Variants in DENND1A observed in about 807,000 individuals in gnomAD.
The protein encoded by DENND1A is DENN domain-containing protein 1A.
DENND1A carries 51 observed loss-of-function variants against 113.7 expected under a neutral mutation model. The observed-to-expected ratio is 0.45, with a 90% CI of 0.36 to 0.57. The LOEUF (loss-of-function observed/expected upper bound fraction) is 0.57. Ranked by LOEUF, DENND1A falls within the 20% of genes least tolerant of loss-of-function variation. The pLI, the probability that DENND1A is intolerant of heterozygous loss-of-function variation, is 0.00. For synonymous variants in DENND1A, 565 were observed against 570.8 expected (o/e 0.99, Z 0.14); for missense variants, 1,258 against 1,395.9 (o/e 0.90, Z 1.57).
chr9:123,512,965 T>C (rs980856488), intron 13 of DENND1A, among the ~76,000 whole-genome samples: 3 of 152,212 alleles, frequency 2.0e-5, no homozygotes, highest in African/African-American at 7.2e-5. Context: ...GTAAAAGACA[T>C]GCTACCATAT....
intron 18 of DENND1A, among the ~76,000 whole-genome samples, chr9:123,443,594 C>A (rs1371738858): frequency 1.3e-5 from 2 of 152,240 alleles, no homozygotes; most frequent in East Asian, 3.8e-4. Context: ...TTCCCTCCAC[C>A]TGAAGAAGGA....
intron 9 of DENND1A, among the ~76,000 whole-genome samples, chr9:123,635,917 C>T (rs748202708): frequency 2.6e-5 from 4 of 152,116 alleles, no homozygotes; most frequent in Non-Finnish European, 5.9e-5. Context: ...TCAATTTGTC[C>T]TGTATGTAAA....
At chr9:123,408,648 T>C (rs569571781) in intron 20 of DENND1A, among the ~76,000 whole-genome samples, 1 of 152,144 alleles carries the variant, frequency 6.6e-6, no homozygotes, top group Non-Finnish European at 1.5e-5. Flanking sequence ...CAGCATGCCA[T>C]CAACCCAGGA....
intron 2 of DENND1A, among the ~76,000 whole-genome samples, chr9:123,848,255 A>C (rs1259506429): frequency 1.4e-5 from 2 of 146,524 alleles, no homozygotes; most frequent in East Asian, 2.0e-4. Context: ...AAAAAAAAAA[A>C]AACAAATTGA....
At chr9:123,717,505 T>C (rs1281598234) in intron 5 of DENND1A, among the ~76,000 whole-genome samples, 2 of 152,214 alleles carry the variant, frequency 1.3e-5, no homozygotes, top group Non-Finnish European at 2.9e-5. Context: ...GTTTGTCTGA[T>C]GCCAAAACCT....
chr9:123,559,033 G>A (rs909754216), intron 12 of DENND1A, among the ~76,000 whole-genome samples: 2 of 152,180 alleles, frequency 1.3e-5, no homozygotes, highest in African/African-American at 4.8e-5. Context: ...GTCAAGGAAG[G>A]CTTCCTGGAG....
intron 13 of DENND1A, among the ~76,000 whole-genome samples, chr9:123,543,571 C>T (rs562908351): frequency 3.3e-4 from 51 of 152,312 alleles, no homozygotes; most frequent in African/African-American, 1.2e-3. Flanking sequence ...CTGCTTCGTC[C>T]TCAGCCACGC....
chr9:123,401,864 A>T lies in DENND1A; in HGVS notation c.1631+1538T>A, dbSNP rs745805005. The T allele has an allele frequency of 5.0e-6, 8 of 1,614,038 alleles. No individual in the cohort carries two copies. The Admixed American group carries it at 1.3e-4, about 27-fold the overall frequency. ...TCGGGAACTTGGCCGCAAAATGGGT[A>T]ATGCTTTTCTGTAGGATGTGGAGTG... is the stretch of plus-strand genomic sequence containing the variant. On this transcript the variant is annotated intron_variant, in intron 21 of 23. Coordinates refer to ENST00000394215, the MANE Select transcript of DENND1A (RefSeq NM_001352964.2).
At position 123,772,100 on chromosome 9, in the gene DENND1A, G is replaced by A. The variant is rs1156275051; in HGVS notation, c.133-2537C>T. ...TATCTACTTCTTAATTTGAGAAGGG[G>A]AGGACAGGAAGAGGGAGGGAAAAAC... On this transcript the variant is annotated intron_variant, in intron 3 of 23. Coordinates refer to ENST00000394215, the MANE Select transcript of DENND1A (RefSeq NM_001352964.2). 3.3e-5 allele frequency among the ~76,000 whole-genome samples: 5 copies of A among 152,160 alleles called. No individual in the cohort carries two copies. The East Asian group carries it at 9.6e-4, about 29-fold the overall frequency.
intron 8 of DENND1A, among the ~76,000 whole-genome samples, chr9:123,661,763 A>G (rs1048128066): frequency 1.3e-5 from 2 of 152,252 alleles, no homozygotes; most frequent in African/African-American, 4.8e-5. Context: ...TATAAATAAC[A>G]GTCTCACAGA....
chr9:123,833,189 A>C (rs970574347), intron 2 of DENND1A, among the ~76,000 whole-genome samples: 6 of 151,482 alleles, frequency 4.0e-5, no homozygotes, highest in Middle Eastern at 3.4e-3. Flanking sequence ...ATGGTTCTCT[A>C]ATTGAGGGAA....
rs955180567 is a variant in DENND1A, at chr9:123,381,571, G to C, written c.3074C>G (p.Pro1025Arg). The C allele has an allele frequency of 6.2e-7, 1 of 1,613,698 alleles. No homozygotes were observed. The highest frequency in any genetic ancestry group is 8.5e-7 in the Non-Finnish European group (1 of 1,179,980). The change falls in exon 24 of 24, where the codon CCC (proline) becomes CGC (arginine). Residue 1025 changes from proline (P) to arginine (R), a missense_variant. Transcript: ENST00000394215. This position sits in a 1 kb window ranked among gnomAD's most constrained non-coding sequence, Gnocchi z 4.7. Reference sequence around the variant, plus strand: ...GTCTCTGGCCTGTTGAGGAGCAGAGGGCTGCAGTGTTGGCTCCAGGCCTTG... The same window carrying C: ...GTCTCTGGCCTGTTGAGGAGCAGAGCGCTGCAGTGTTGGCTCCAGGCCTTG... ...PPQGLEPTLQ[P>R]SAPQQARDPF... is the part of the protein sequence containing the mutation.
intron 20 of DENND1A, among the ~76,000 whole-genome samples, chr9:123,407,054 C>T (rs890759535): frequency 2.6e-5 from 4 of 151,568 alleles, no homozygotes; most frequent in Non-Finnish European, 4.4e-5. Flanking sequence ...GTCAGAGTGC[C>T]GCTGAATGGC....
At chr9:123,828,970 A>T (rs1313218205) in intron 2 of DENND1A, among the ~76,000 whole-genome samples, 1 of 152,204 alleles carries the variant, frequency 6.6e-6, no homozygotes, top group Non-Finnish European at 1.5e-5. Flanking sequence ...CAGAACTGAA[A>T]TAAAGAAAAA....
chr9:123,729,590 C>G (rs1375639019), intron 5 of DENND1A, among the ~76,000 whole-genome samples: 1 of 152,156 alleles, frequency 6.6e-6, no homozygotes, highest in African/African-American at 2.4e-5. Context: ...CTACAAACCA[C>G]TGCTCAAGGA....
At chr9:123,475,682 G>A (rs917018294) in intron 13 of DENND1A, among the ~76,000 whole-genome samples, 3 of 152,372 alleles carry the variant, frequency 2.0e-5, no homozygotes, top group Middle Eastern at 3.4e-3. Context: ...GCCTGCCATC[G>A]CAGGTGTGGG....
intron 2 of DENND1A, among the ~76,000 whole-genome samples, chr9:123,833,477 T>C (rs1840588458): frequency 6.6e-6 from 1 of 152,148 alleles, no homozygotes; most frequent in Admixed American, 6.5e-5. Flanking sequence ...TTTCCTATAA[T>C]GATCAAGTGA....
chr9:123,556,555 T>C (rs769781079), intron 13 of DENND1A, among the ~76,000 whole-genome samples: 2 of 152,202 alleles, frequency 1.3e-5, no homozygotes, highest in African/African-American at 2.4e-5. Flanking sequence ...TTAAATGCTA[T>C]AGGTTAAAGT....
chr9:123,407,515 C>T (rs978206461), intron 20 of DENND1A, among the ~76,000 whole-genome samples: 3 of 152,096 alleles, frequency 2.0e-5, no homozygotes, highest in Admixed American at 6.5e-5. Context: ...ACAGACAAAA[C>T]GGTTTAATGA....
Sources: allele counts gnomAD v4.1 joint callset (sites outside exome capture counted in the v4.1 genomes callset), GRCh38; gene constraint gnomAD v4.1.1; non-coding constraint Gnocchi (gnomAD v3.1); transcripts MANE v1.5; gene names NCBI Gene and HGNC (gene_info 2026-07-23, HGNC 2026-07-21).